The following ALK variants were observed in gnomAD, a reference collection of about 807,000 sequenced individuals.
ALK encodes ALK receptor tyrosine kinase, also known as ALK tyrosine kinase receptor.
ALK carries 74 observed loss-of-function variants against 163.1 expected under a neutral mutation model. That is an observed-to-expected ratio of 0.45 (90% confidence interval 0.38 to 0.55). The LOEUF (loss-of-function observed/expected upper bound fraction) is 0.55. Among genes scored for constraint, ALK ranks in the 20% least tolerant of loss-of-function variants. ALK has a pLI of 0.00. For missense variants in ALK, 2,063 were observed against 2,105.3 expected, an observed-to-expected ratio of 0.98 and a Z score of 0.39; for synonymous variants, 960 against 843.2, an observed-to-expected ratio of 1.14 and a Z score of -2.40.
intron 1 of ALK, among the ~76,000 whole-genome samples, chr2:29,887,822 T>G (rs1315527372): frequency 6.6e-6 from 1 of 152,216 alleles, no homozygotes; most frequent in Non-Finnish European, 1.5e-5. Context: ...TTCATTTAAT[T>G]TAAAACTCAG....
At chr2:29,546,148 A>T (rs1485756723) in intron 3 of ALK, among the ~76,000 whole-genome samples, 1 of 152,188 alleles carries the variant, frequency 6.6e-6, no homozygotes, top group Non-Finnish European at 1.5e-5. Context: ...ATTCCCTTTT[A>T]GATCTCTGAC....
chr2:29,304,683 T>C (rs1304419621), intron 8 of ALK, among the ~76,000 whole-genome samples: 1 of 152,202 alleles, frequency 6.6e-6, no homozygotes. Flanking sequence ...CTGCTGACTA[T>C]GGCATAATTT....
At chr2:29,720,145 G>C (rs913762345) in intron 1 of ALK, among the ~76,000 whole-genome samples, 2 of 151,960 alleles carry the variant, frequency 1.3e-5, no homozygotes, top group African/African-American at 4.8e-5. Context: ...TTATGAATCT[G>C]TGAATGGGTA....
At chr2:29,542,278 C>T (rs1018336737) in intron 3 of ALK, among the ~76,000 whole-genome samples, 8 of 152,082 alleles carry the variant, frequency 5.3e-5, no homozygotes, top group African/African-American at 1.9e-4. Context: ...TTATATCTGT[C>T]TTCTTTACCA....
At position 29,857,406 on chromosome 2, in the gene ALK, A is replaced by G. The variant is rs550650833; in HGVS notation, c.667+62587T>C. Among the ~76,000 whole-genome samples the G allele has an allele frequency of 2.8e-4, 42 of 152,316 alleles. No individual in the cohort carries two copies. In the South Asian group the frequency reaches 7.7e-3, roughly 28 times the overall value. ...CAGTGGCCAAAAATGTTGGAAAGAAAAAAAAGGGAAAATACAAACCAATGA... is the reference window on the plus strand; with the variant it reads ...CAGTGGCCAAAAATGTTGGAAAGAAGAAAAAGGGAAAATACAAACCAATGA... On this transcript the variant is annotated intron_variant, in intron 1 of 28. Coordinates refer to ENST00000389048, the MANE Select transcript of ALK (RefSeq NM_004304.5).
chr2:29,727,122 A>T (rs796095082), intron 1 of ALK, among the ~76,000 whole-genome samples: 9 of 152,320 alleles, frequency 5.9e-5, no homozygotes, highest in African/African-American at 2.2e-4. Flanking sequence ...ACCTTCCATC[A>T]GGGCAGCTGG....
At position 29,881,462 on chromosome 2, in the gene ALK, G is replaced by A. The variant is rs57414428; in HGVS notation, c.667+38531C>T. Among the ~76,000 whole-genome samples the A allele has an allele frequency of 7.3e-3, 1,109 of 152,258 alleles. 13 individuals are homozygous for A. The highest frequency in any genetic ancestry group is 0.024 in the African/African-American group (995 of 41,544). ...TCCAGGATGCAAGAAAGATAGATGGGGCTTAATTGTTCTGACTTTGGAGCA... is the reference window on the plus strand; with the variant it reads ...TCCAGGATGCAAGAAAGATAGATGGAGCTTAATTGTTCTGACTTTGGAGCA... On this transcript the variant is annotated intron_variant, in intron 1 of 28. Coordinates refer to ENST00000389048, the MANE Select transcript of ALK (RefSeq NM_004304.5).
chr2:29,643,357 C>T (rs1676759769), intron 3 of ALK, among the ~76,000 whole-genome samples: 1 of 151,950 alleles, frequency 6.6e-6, no homozygotes, highest in Admixed American at 6.6e-5. Flanking sequence ...TTGAGTGGCC[C>T]CTGCATGAAG....
intron 1 of ALK, among the ~76,000 whole-genome samples, chr2:29,721,240 C>G (rs1192485697): frequency 3.9e-5 from 6 of 152,200 alleles, no homozygotes; most frequent in Non-Finnish European, 8.8e-5. Flanking sequence ...CCCTAATGTC[C>G]TCAGCTTCAG....
chr2:29,431,418 G>T (rs1050059315), intron 4 of ALK, among the ~76,000 whole-genome samples: 1 of 152,102 alleles, frequency 6.6e-6, no homozygotes, highest in Non-Finnish European at 1.5e-5. Flanking sequence ...CAACTGATTC[G>T]AATTTTAGCT....
chr2:29,618,631 C>T (rs55731022), intron 3 of ALK, among the ~76,000 whole-genome samples: 52 of 152,250 alleles, frequency 3.4e-4, no homozygotes, highest in African/African-American at 1.2e-3. Flanking sequence ...TGGTGCAAAG[C>T]TGCCCACGCT....
At chr2:29,288,075 A>C in intron 9 of ALK, among the ~76,000 whole-genome samples, 1 of 151,922 alleles carries the variant, frequency 6.6e-6, no homozygotes, top group East Asian at 1.9e-4. Flanking sequence ...GGGATGGGTG[A>C]ACTTGGTCCT....
At chr2:29,734,416 A>G (rs1053906983) in intron 1 of ALK, among the ~76,000 whole-genome samples, 9 of 152,136 alleles carry the variant, frequency 5.9e-5, no homozygotes, top group African/African-American at 2.2e-4. Flanking sequence ...GCTCTTGGAG[A>G]AAACTCTAAA....
chr2:29,758,157 T>G (rs747436038), intron 1 of ALK, among the ~76,000 whole-genome samples: 4 of 151,900 alleles, frequency 2.6e-5, no homozygotes, highest in Admixed American at 6.6e-5. Flanking sequence ...ACCACAGGCA[T>G]GTGCCACCAT....
At chr2:29,758,992 C>G (rs1680623397) in intron 1 of ALK, among the ~76,000 whole-genome samples, 1 of 152,076 alleles carries the variant, frequency 6.6e-6, no homozygotes, top group Non-Finnish European at 1.5e-5. Flanking sequence ...CTGCAATCCA[C>G]AATCCACACT....
intron 3 of ALK, among the ~76,000 whole-genome samples, chr2:29,667,848 T>G (rs376058207): frequency 9.2e-5 from 14 of 152,260 alleles, no homozygotes; most frequent in African/African-American, 3.4e-4. Flanking sequence ...TTTGAAGAGT[T>G]TGAGCAAAAT....
At chr2:29,398,181 C>A (rs1327293599) in intron 4 of ALK, among the ~76,000 whole-genome samples, 3 of 152,196 alleles carry the variant, frequency 2.0e-5, no homozygotes, top group African/African-American at 7.2e-5. Context: ...TGGGCACAGG[C>A]CAGCGTTTCC....
At chr2:29,277,875 G>A (rs1665587595) in intron 9 of ALK, among the ~76,000 whole-genome samples, 1 of 152,184 alleles carries the variant, frequency 6.6e-6, no homozygotes. Flanking sequence ...ACCTATTTTT[G>A]TTTCCTGTAA....
intron 3 of ALK, among the ~76,000 whole-genome samples, chr2:29,593,621 C>T (rs555528855): frequency 7.2e-5 from 11 of 152,190 alleles, no homozygotes; most frequent in Non-Finnish European, 1.6e-4. Flanking sequence ...TGGCCGTTAG[C>T]CAAGCATTCT....
Sources: gnomAD v4.1 joint callset for allele counts (sites outside exome capture counted in the v4.1 genomes callset) on GRCh38, gnomAD v4.1.1 for gene constraint, MANE v1.5 for transcripts, NCBI Gene and HGNC (gene_info 2026-07-23, HGNC 2026-07-21) for gene names.